Variants in NDST1 observed in about 807,000 individuals in gnomAD.
The protein encoded by NDST1 is bifunctional heparan sulfate N-deacetylase/N-sulfotransferase 1.
Under a neutral mutation model 92.8 loss-of-function variants are expected in NDST1, and 35 were observed. That is an observed-to-expected ratio of 0.38 (90% CI 0.29 to 0.50). The LOEUF is 0.50. Among genes scored for constraint, NDST1 ranks in the 20% least tolerant of loss-of-function variants. NDST1 has a pLI of 0.94. For missense variants in NDST1, 822 were observed against 1,182.7 expected, an observed-to-expected ratio of 0.69 and a Z score of 4.47; for synonymous variants, 493 against 500.3, an observed-to-expected ratio of 0.99 and a Z score of 0.19.
chr5:150,524,573 A>G (rs10066546), intron 2 of NDST1, among the ~76,000 whole-genome samples: 2,646 of 152,314 alleles, frequency 0.017, 73 homozygotes, highest in African/African-American at 0.06. Context: ...CTTTGCAGGC[A>G]TTTCATGGCT....
chr5:150,510,976 G>A (rs1171458904), intron 1 of NDST1, among the ~76,000 whole-genome samples: 1 of 152,232 alleles, frequency 6.6e-6, no homozygotes, highest in Non-Finnish European at 1.5e-5. Context: ...CAGAGGGGCT[G>A]CGGAGATGGG....
chr5:150,499,040 C>T (rs566943044), intron 1 of NDST1, among the ~76,000 whole-genome samples: 1 of 152,344 alleles, frequency 6.6e-6, no homozygotes, highest in African/African-American at 2.4e-5. Flanking sequence ...CAGCCCAGCA[C>T]CAATGCCTTC....
At chr5:150,535,553 C>T in intron 5 of NDST1, 147 bp from the exon 6 acceptor site, 1 of 1,202,868 alleles carries the variant, frequency 8.3e-7, no homozygotes, top group Non-Finnish European at 1.2e-6. Flanking sequence ...CCTCCCAGGC[C>T]TCAGCTTCCC....
chr5:150,542,619 C>T (rs899526170), intron 9 of NDST1, among the ~76,000 whole-genome samples: 5 of 152,174 alleles, frequency 3.3e-5, no homozygotes, highest in Non-Finnish European at 5.9e-5. Flanking sequence ...GATAGATTAG[C>T]GATGTCCGTA....
At position 150,539,279 on chromosome 5, in the gene NDST1, G is replaced by A. The variant is rs1378141295; in HGVS notation, c.1489G>A (p.Glu497Lys). 2.5e-6 allele frequency: 4 copies of A among 1,613,544 alleles called. No homozygotes were observed. The highest frequency in any genetic ancestry group is 2.2e-5 in the East Asian group (1 of 44,850). Residue 497 changes from glutamate (E) to lysine (K), a missense_variant, in exon 7 of 15, where the codon GAG (glutamate) becomes AAG (lysine). Coordinates refer to ENST00000261797, the MANE Select transcript of NDST1 (RefSeq NM_001543.5). The part of the protein sequence containing the change: ...GLFTHTIFYN[E>K]YPGGSSELDK... ...CTTCACACACACCATCTTCTACAAC[G>A]AGTACCCTGGCGGCTCCAGTGAGCT...
chr5:150,502,534 G>T (rs765239053), intron 1 of NDST1, among the ~76,000 whole-genome samples: 2 of 152,110 alleles, frequency 1.3e-5, no homozygotes, highest in African/African-American at 4.8e-5. Flanking sequence ...GGGGCATGGT[G>T]CACATGGGTG....
At chr5:150,546,547 T>G (rs1451986991) in intron 11 of NDST1, among the ~76,000 whole-genome samples, 1 of 152,220 alleles carries the variant, frequency 6.6e-6, no homozygotes, top group Admixed American at 6.5e-5. Flanking sequence ...AGGCCTGTGC[T>G]TGGTGTTGGG....
intron 1 of NDST1, among the ~76,000 whole-genome samples, chr5:150,516,820 C>T (rs1161287768): frequency 1.3e-5 from 2 of 152,108 alleles, no homozygotes; most frequent in African/African-American, 4.8e-5. Context: ...TGCCTGCTAC[C>T]ATGCCTAGCT....
intron 1 of NDST1, among the ~76,000 whole-genome samples, chr5:150,517,643 C>A (rs945085328): frequency 2.6e-5 from 4 of 152,226 alleles, no homozygotes; most frequent in Non-Finnish European, 4.4e-5. Flanking sequence ...CTGATTCATA[C>A]TCTCAACCCC....
rs899601900 is a variant in NDST1, at chr5:150,542,831, G to A, written c.1847-17G>A. The A allele has an allele frequency of 1.2e-6, 2 of 1,613,914 alleles. No homozygotes were observed. Among genetic ancestry groups the A allele is most frequent in the African/African-American group, 1.3e-5 (1 of 74,918 alleles). On this transcript the variant is annotated splice_polypyrimidine_tract_variant and intron_variant, in intron 9 of 14. Coordinates refer to ENST00000261797, the MANE Select transcript of NDST1 (RefSeq NM_001543.5). ...GGGGGCTGGGCCCTGGGTCTCAGGT[G>A]TCTACCCTCCCCACAGGCACCACTG... is the stretch of plus-strand genomic sequence containing the variant.
At position 150,521,189 on chromosome 5, in the gene NDST1, C is replaced by A. The variant is rs1754226364; in HGVS notation, c.-66C>A. 1 of 1,444,788 alleles carries A rather than the reference C, an allele frequency of 6.9e-7. No individual in the cohort carries two copies. 89.5% of individuals were successfully genotyped at this position (1,444,788 alleles called of 1,614,324 possible). On this transcript the variant is annotated 5_prime_UTR_variant, in exon 2 of 15. The change creates a new upstream start codon in the 5' untranslated region. Coordinates refer to ENST00000261797, the MANE Select transcript of NDST1 (RefSeq NM_001543.5). This position sits in a 1 kb window ranked among gnomAD's most constrained non-coding sequence, Gnocchi z 5.9. ...CAGTGGACGATTCTCGTGTCTCCTC[C>A]TGTGTGGGGCCTTGGGGTAGCCAGG...
intron 1 of NDST1, among the ~76,000 whole-genome samples, chr5:150,512,079 C>T (rs574656250): frequency 6.6e-6 from 1 of 152,120 alleles, no homozygotes; most frequent in South Asian, 2.1e-4. Context: ...CTCCCCTGCT[C>T]AGGTCCCTGC....
chr5:150,501,332 G>A (rs1753219435), intron 1 of NDST1, among the ~76,000 whole-genome samples: 1 of 152,134 alleles, frequency 6.6e-6, no homozygotes, highest in Admixed American at 6.6e-5. Flanking sequence ...GGTGGGTGGC[G>A]GCGGTCCAGT....
intron 1 of NDST1, chr5:150,518,859 C>T (rs574666326): frequency 2.0e-5 from 3 of 152,182 alleles, no homozygotes; most frequent in South Asian, 4.1e-4. Flanking sequence ...TCACTGCACC[C>T]TCCGCCTCCC....
intron 10 of NDST1, among the ~76,000 whole-genome samples, chr5:150,544,064 A>G (rs1755371288): frequency 6.6e-6 from 1 of 152,198 alleles, no homozygotes; most frequent in African/African-American, 2.4e-5. Flanking sequence ...GGCGTGCGCC[A>G]CTGCGCCCGG....
chr5:150,500,241 G>A (rs1319864248), intron 1 of NDST1, among the ~76,000 whole-genome samples: 4 of 152,162 alleles, frequency 2.6e-5, no homozygotes, highest in African/African-American at 9.7e-5. Context: ...CTCCTGCTCT[G>A]ATTCTTTCAT....
intron 3 of NDST1, 82 bp from the exon 4 acceptor site, chr5:150,532,863 C>G: frequency 7.9e-7 from 1 of 1,266,622 alleles, no homozygotes; most frequent in South Asian, 1.2e-5. Context: ...GGGATTTCCA[C>G]GTTTTTTCAC....
At chr5:150,538,054 T>G (rs1755074012) in intron 6 of NDST1, among the ~76,000 whole-genome samples, 1 of 152,156 alleles carries the variant, frequency 6.6e-6, no homozygotes, top group Non-Finnish European at 1.5e-5. Context: ...CTGGTTTAAA[T>G]AAGGTGGCTA....
At chr5:150,530,991 A>G (rs1754705505) in intron 3 of NDST1, among the ~76,000 whole-genome samples, 1 of 152,204 alleles carries the variant, frequency 6.6e-6, no homozygotes. Context: ...CACTCAGCTC[A>G]GTCCAGATTG....
Sources: gnomAD v4.1 joint callset for allele counts (sites outside exome capture counted in the v4.1 genomes callset) on GRCh38, gnomAD v4.1.1 for gene constraint, Gnocchi (gnomAD v3.1) non-coding constraint, MANE v1.5 for transcripts, NCBI Gene and HGNC (gene_info 2026-07-23, HGNC 2026-07-21) for gene names.